The following PRKG1 variants were observed in gnomAD, a reference collection of about 807,000 sequenced individuals.
The protein encoded by PRKG1 is protein kinase cGMP-dependent 1.
PRKG1 carries 35 observed loss-of-function variants against 88.1 expected under a neutral mutation model. The ratio of observed to expected loss-of-function variants is 0.40; its 90% CI spans 0.30 to 0.53. PRKG1 has a LOEUF of 0.53. Ranked by LOEUF, PRKG1 falls within the 20% of genes least tolerant of loss-of-function variation. The pLI is 0.59. For missense variants in PRKG1, 540 were observed against 839.8 expected (o/e 0.64, Z 4.41); for synonymous variants, 303 against 292.5 (o/e 1.04, Z -0.37).
chr10:52,281,833 A>C (rs1352824244), intron 13 of PRKG1, among the ~76,000 whole-genome samples: 2 of 152,186 alleles, frequency 1.3e-5, no homozygotes, highest in South Asian at 4.1e-4. Flanking sequence ...TTTTAGGTAC[A>C]GAAGAGATTC....
chr10:51,454,434 T>C lies in PRKG1; in HGVS notation c.479-13289T>C, dbSNP rs180789416. On this transcript the variant is annotated intron_variant, in intron 2 of 17. Transcript: ENST00000373980. The stretch of plus-strand genomic sequence containing the variant: ...TGGAACAGAATAGAGAACCCAGAAG[T>C]AAAGTAAAATTCTTACAGCCAACTG... 7.3e-5 allele frequency among the ~76,000 whole-genome samples: 11 copies of C among 150,054 alleles called. No homozygotes were observed. The East Asian group carries it at 2.1e-3, about 29-fold the overall frequency.
intron 7 of PRKG1, among the ~76,000 whole-genome samples, chr10:52,077,984 T>A (rs1846673759): frequency 6.6e-6 from 1 of 152,182 alleles, no homozygotes; most frequent in Non-Finnish European, 1.5e-5. Context: ...TCAGCAGCAG[T>A]GGATGACAGT....
In PRKG1 at chr10:51,139,731, A is replaced by G. The variant is rs544961926; in HGVS notation, c.312-13433A>G. On this transcript the variant is annotated intron_variant, in intron 1 of 17. Transcript: ENST00000373980. Reference sequence around the variant, plus strand: ...CTCTCTGCTGTCACCATCCTAATCTAGGCCATCCTTATGTTTTACTTGAAA... The same window carrying G: ...CTCTCTGCTGTCACCATCCTAATCTGGGCCATCCTTATGTTTTACTTGAAA... Among the ~76,000 whole-genome samples, 3 of 152,276 alleles carry G rather than the reference A, an allele frequency of 2.0e-5. No individual in the cohort carries two copies. In the South Asian group the frequency reaches 6.2e-4, roughly 32 times the overall value.
In PRKG1 at chr10:51,428,451, G is replaced by T. The variant is rs145652679; in HGVS notation, c.479-39272G>T. 1.8e-3 allele frequency among the ~76,000 whole-genome samples: 275 copies of T among 152,236 alleles called. 1 individual carries two copies. Among genetic ancestry groups the T allele is most frequent in the African/African-American group, 6.4e-3 (267 of 41,544 alleles). ...ATAGGGATTTCTAGAATGATGGAGG[G>T]AGGGGCTTGGCAAGCCCTCCACCCA... On this transcript the variant is annotated intron_variant, in intron 2 of 17. Transcript: ENST00000373980.
At chr10:51,334,643 C>T (rs1010131854) in intron 2 of PRKG1, among the ~76,000 whole-genome samples, 12 of 152,044 alleles carry the variant, frequency 7.9e-5, no homozygotes, top group Non-Finnish European at 1.5e-4. Context: ...AAAAGTAATC[C>T]GTTTCCAAGG....
intron 2 of PRKG1, among the ~76,000 whole-genome samples, chr10:51,214,939 C>T (rs113062885): frequency 3.9e-5 from 6 of 152,138 alleles, no homozygotes; most frequent in South Asian, 2.1e-4. Context: ...CACCACTGAA[C>T]GGAAAATGAA....
chr10:52,281,310 G>T (rs553429688), intron 13 of PRKG1, among the ~76,000 whole-genome samples: 3 of 152,134 alleles, frequency 2.0e-5, no homozygotes, highest in African/African-American at 4.8e-5. Flanking sequence ...TAAGAATAAT[G>T]CTAATGGAAA....
At chr10:51,987,636 G>A (rs1421349909) in intron 5 of PRKG1, among the ~76,000 whole-genome samples, 1 of 151,922 alleles carries the variant, frequency 6.6e-6, no homozygotes, top group African/African-American at 2.4e-5. Context: ...TATTCTATAA[G>A]TTTATCTCCA....
chr10:52,040,924 C>A (rs1419909393), intron 5 of PRKG1, among the ~76,000 whole-genome samples: 1 of 149,958 alleles, frequency 6.7e-6, no homozygotes, highest in Non-Finnish European at 1.5e-5. Context: ...GCAACCTCCA[C>A]CTCCTGGGTT....
At chr10:51,260,907 A>G (rs1839688617) in intron 2 of PRKG1, among the ~76,000 whole-genome samples, 1 of 152,214 alleles carries the variant, frequency 6.6e-6, no homozygotes, top group African/African-American at 2.4e-5. Flanking sequence ...TAAGACAAGT[A>G]CACTATATGT....
intron 8 of PRKG1, among the ~76,000 whole-genome samples, chr10:52,153,051 T>A (rs1837981874): frequency 6.6e-6 from 1 of 152,152 alleles, no homozygotes; most frequent in African/African-American, 2.4e-5. Context: ...CAGATAGGAT[T>A]CAGAAAGAGG....
intron 4 of PRKG1, among the ~76,000 whole-genome samples, chr10:51,815,718 A>G (rs1839567398): frequency 6.6e-6 from 1 of 152,136 alleles, no homozygotes; most frequent in South Asian, 2.1e-4. Flanking sequence ...AATAAAGTTA[A>G]TCATAATTTA....
chr10:51,313,764 A>G (rs1841251790), intron 2 of PRKG1, among the ~76,000 whole-genome samples: 1 of 152,164 alleles, frequency 6.6e-6, no homozygotes, highest in Non-Finnish European at 1.5e-5. Context: ...TATAACCCAG[A>G]AACGTCCTCC....
chr10:51,112,265 C>T (rs1004623407), intron 1 of PRKG1, among the ~76,000 whole-genome samples: 3 of 152,054 alleles, frequency 2.0e-5, no homozygotes, highest in Non-Finnish European at 4.4e-5. Context: ...AATGCCTTGA[C>T]TACTGTAAAC....
At chr10:51,089,651 A>G (rs1844350662) in intron 1 of PRKG1, among the ~76,000 whole-genome samples, 1 of 152,204 alleles carries the variant, frequency 6.6e-6, no homozygotes, top group Admixed American at 6.5e-5. Flanking sequence ...TTATTTTTCT[A>G]GGTGACCTAT....
chr10:52,145,431 A>G (rs1039029284), intron 8 of PRKG1, among the ~76,000 whole-genome samples: 2 of 152,178 alleles, frequency 1.3e-5, no homozygotes, highest in African/African-American at 4.8e-5. Context: ...ATCCATCTTA[A>G]TTTCTTCAGT....
At chr10:51,014,368 C>T (rs1454002895) in intron 1 of PRKG1, among the ~76,000 whole-genome samples, 5 of 149,074 alleles carry the variant, frequency 3.4e-5, no homozygotes, top group Admixed American at 1.3e-4. Flanking sequence ...AGTTTCTCAT[C>T]GCATCAGCCA....
chr10:51,115,739 A>AG (rs993965540), intron 1 of PRKG1, among the ~76,000 whole-genome samples: 4 of 148,426 alleles, frequency 2.7e-5, no homozygotes, highest in African/African-American at 9.9e-5. Context: ...CGGGACGCTG[A>AG]GGGGGGAGAA....
intron 2 of PRKG1, among the ~76,000 whole-genome samples, chr10:51,362,442 T>C (rs1487896260): frequency 6.6e-6 from 1 of 151,770 alleles, no homozygotes; most frequent in Non-Finnish European, 1.5e-5. Flanking sequence ...ATATATTCAT[T>C]AAATTTTTAG....
Sources: gnomAD v4.1 joint callset for allele counts (sites outside exome capture counted in the v4.1 genomes callset) on GRCh38, gnomAD v4.1.1 for gene constraint, MANE v1.5 for transcripts, NCBI Gene and HGNC (gene_info 2026-07-23, HGNC 2026-07-21) for gene names.